Variants in STARD3NL observed in about 807,000 individuals in gnomAD.
STARD3NL encodes STARD3 N-terminal like.
Under a neutral mutation model 30.9 loss-of-function variants are expected in STARD3NL, and 17 were observed. The observed-to-expected ratio is 0.55, with a 90% CI of 0.38 to 0.82. STARD3NL has a LOEUF of 0.82. STARD3NL is among the 40% of genes least tolerant of loss of function. STARD3NL has a pLI of 0.00. For synonymous variants in STARD3NL, 112 were observed against 100.5 expected (o/e 1.11, Z -0.69); for missense variants, 234 against 277.6 (o/e 0.84, Z 1.12).
rs1390660924 is a variant in STARD3NL at position 38,230,122 on chromosome 7, T to C, written c.*217T>C. 1.3e-5 allele frequency: 2 copies of C among 152,660 alleles called. No individual in the cohort carries two copies. The highest frequency in any genetic ancestry group is 6.5e-5 in the Admixed American group (1 of 15,286). 9.5% of individuals were successfully genotyped at this position (152,660 alleles called of 1,614,324 possible). ...TGCCTGCCTGTGGCTGGTAAGGTAATGTCATGATTCATCCTCTCTTCAGTG... is the reference window on the plus strand; with the variant it reads ...TGCCTGCCTGTGGCTGGTAAGGTAACGTCATGATTCATCCTCTCTTCAGTG... On this transcript the variant is annotated 3_prime_UTR_variant, in exon 9 of 9. Coordinates refer to ENST00000009041, the MANE Select transcript of STARD3NL (RefSeq NM_032016.4).
chr7:38,182,819 T>A (rs1784303609), intron 1 of STARD3NL, among the ~76,000 whole-genome samples: 1 of 152,258 alleles, frequency 6.6e-6, no homozygotes, highest in Admixed American at 6.5e-5. Context: ...CTTCTTCCTC[T>A]CTAGTTACAG....
chr7:38,197,511 C>A (rs1363689491), intron 1 of STARD3NL, among the ~76,000 whole-genome samples: 2 of 152,118 alleles, frequency 1.3e-5, no homozygotes, highest in African/African-American at 4.8e-5. Flanking sequence ...CCACTTGTTT[C>A]TTTTTTTAAG....
At chr7:38,217,559 G>A (rs1786197509) in intron 6 of STARD3NL, among the ~76,000 whole-genome samples, 1 of 152,204 alleles carries the variant, frequency 6.6e-6, no homozygotes, top group South Asian at 2.1e-4. Context: ...CTGGTGAAAA[G>A]GGCATTCAAG....
chr7:38,190,786 A>G (rs1784655040), intron 1 of STARD3NL, among the ~76,000 whole-genome samples: 1 of 151,816 alleles, frequency 6.6e-6, no homozygotes, highest in Admixed American at 6.6e-5. Flanking sequence ...TATCCTTTTT[A>G]TTTTTGTTTT....
At chr7:38,197,478 T>A (rs1340118551) in intron 1 of STARD3NL, among the ~76,000 whole-genome samples, 1 of 152,160 alleles carries the variant, frequency 6.6e-6, no homozygotes, top group Non-Finnish European at 1.5e-5. Context: ...GCCAGGATTA[T>A]ATTTGTGAGC....
chr7:38,184,886 T>C (rs938299688), intron 1 of STARD3NL, among the ~76,000 whole-genome samples: 4 of 150,510 alleles, frequency 2.7e-5, no homozygotes, highest in African/African-American at 9.7e-5. Context: ...CTTTATTGCT[T>C]GTTTTGTTGC....
intron 7 of STARD3NL, among the ~76,000 whole-genome samples, chr7:38,227,245 G>A (rs1786823495): frequency 6.6e-6 from 1 of 152,176 alleles, no homozygotes; most frequent in African/African-American, 2.4e-5. Flanking sequence ...CACTGGCCTA[G>A]CAGATTGAAG....
At chr7:38,206,802 GCT>G (rs1785511191) in intron 1 of STARD3NL, among the ~76,000 whole-genome samples, 1 of 152,128 alleles carries the variant, frequency 6.6e-6, no homozygotes, top group Non-Finnish European at 1.5e-5. Flanking sequence ...GCAGTGTCTT[GCT>G]CTGTTACCCA....
chr7:38,224,386 C>T (rs1477580863), intron 7 of STARD3NL, among the ~76,000 whole-genome samples: 5 of 152,120 alleles, frequency 3.3e-5, no homozygotes, highest in Non-Finnish European at 7.4e-5. Context: ...TCAAACTGTT[C>T]TTGATCGTGG....
intron 1 of STARD3NL, among the ~76,000 whole-genome samples, chr7:38,181,768 A>G (rs947461274): frequency 1.3e-5 from 2 of 152,168 alleles, no homozygotes; most frequent in African/African-American, 4.8e-5. Flanking sequence ...ACTAATGCCC[A>G]TATTCTGAAG....
chr7:38,222,316 A>G (rs1305078964), intron 7 of STARD3NL, among the ~76,000 whole-genome samples: 2 of 152,248 alleles, frequency 1.3e-5, no homozygotes, highest in Non-Finnish European at 2.9e-5. Flanking sequence ...ATCTGAAAGC[A>G]GCATACAACA....
intron 1 of STARD3NL, among the ~76,000 whole-genome samples, chr7:38,193,378 A>G (rs1784772633): frequency 6.6e-6 from 1 of 151,976 alleles, no homozygotes; most frequent in East Asian, 1.9e-4. Flanking sequence ...GGCTCACTAC[A>G]ATCTCTGCCT....
chr7:38,228,386 T>A (rs926764422), intron 7 of STARD3NL, among the ~76,000 whole-genome samples: 2 of 152,142 alleles, frequency 1.3e-5, no homozygotes, highest in African/African-American at 4.8e-5. Flanking sequence ...CAGTGCTCTC[T>A]CACTGCTCTC....
intron 1 of STARD3NL, among the ~76,000 whole-genome samples, chr7:38,188,557 C>T (rs1784555405): frequency 6.6e-6 from 1 of 152,142 alleles, no homozygotes; most frequent in South Asian, 2.1e-4. Flanking sequence ...AGAAGGGGAC[C>T]TGACACAATT....
rs769592313 is a variant in STARD3NL, at chr7:38,214,379, C to T, written c.248C>T (p.Thr83Ile). 2 of 1,607,674 alleles carry T rather than the reference C, an allele frequency of 1.2e-6. No homozygotes were observed. Among genetic ancestry groups the T allele is most frequent in the South Asian group, 2.2e-5 (2 of 90,738 alleles). Reference sequence around the variant, plus strand: ...TAGGTGAATGGAGGCATTGAGAACACATTAGAGAAGGAGGTGATGCAGTAT... The same window carrying T: ...TAGGTGAATGGAGGCATTGAGAACATATTAGAGAAGGAGGTGATGCAGTAT... ...ELNVNGGIEN[T>I]LEKEVMQYDY... Residue 83 changes from threonine to isoleucine, a missense_variant, in exon 3 of 9, where the codon ACA becomes ATA. Thr to Ile is a moderately conservative substitution (Grantham distance 89). Coordinates refer to ENST00000009041, the MANE Select transcript of STARD3NL (RefSeq NM_032016.4).
chr7:38,205,067 G>T (rs963249068), intron 1 of STARD3NL, among the ~76,000 whole-genome samples: 2 of 152,198 alleles, frequency 1.3e-5, no homozygotes, highest in Admixed American at 6.5e-5. Context: ...ACAAGGAGGA[G>T]CTGGTACCAT....
chr7:38,203,563 G>A (rs543810938), intron 1 of STARD3NL, among the ~76,000 whole-genome samples: 30 of 152,310 alleles, frequency 2.0e-4, no homozygotes, highest in African/African-American at 6.3e-4. Context: ...GAAAGAAACT[G>A]CATCAACTAA....
rs143061020 is a variant in STARD3NL, at chr7:38,212,809, C to G, written c.226-1548C>G. On this transcript the variant is annotated intron_variant, in intron 2 of 8. Transcript: ENST00000009041. ...TCATCCCCAGTATGCAAAGATGACT[C>G]TAAAGTTTCCAGTGATGAACTCTAG... is the stretch of plus-strand genomic sequence containing the variant. Among the ~76,000 whole-genome samples, 352 of 152,234 alleles carry G rather than the reference C, an allele frequency of 2.3e-3. 3 individuals are homozygous for G. The highest frequency in any genetic ancestry group is 8.2e-3 in the African/African-American group (339 of 41,548).
intron 1 of STARD3NL, among the ~76,000 whole-genome samples, chr7:38,179,302 G>A (rs1015771649): frequency 3.3e-5 from 5 of 152,156 alleles, no homozygotes; most frequent in Non-Finnish European, 7.4e-5. Flanking sequence ...ACGACTTATG[G>A]TATCCTTGTT....
Sources: gnomAD v4.1 joint callset for allele counts (sites outside exome capture counted in the v4.1 genomes callset) on GRCh38, gnomAD v4.1.1 for gene constraint, MANE v1.5 for transcripts, NCBI Gene and HGNC (gene_info 2026-07-23, HGNC 2026-07-21) for gene names.